The following CNTNAP5 variants were observed in gnomAD, a reference collection of about 807,000 sequenced individuals.
CNTNAP5 encodes the protein contactin-associated protein-like 5.
CNTNAP5 carries 72 observed loss-of-function variants against 150.2 expected under a neutral mutation model. The ratio of observed to expected loss-of-function variants is 0.48; its 90% confidence interval spans 0.40 to 0.58. The LOEUF (loss-of-function observed/expected upper bound fraction) is 0.58, where lower values mean the gene tolerates loss of function less well. CNTNAP5 is among the 20% of genes least tolerant of loss of function. The probability of loss-of-function intolerance (pLI) is 0.00; values close to 1 mark genes in which losing one functional copy is unlikely to be tolerated. For synonymous variants in CNTNAP5, 672 were observed against 619.8 expected (o/e 1.08, Z -1.25); for missense variants, 1,636 against 1,626.2 (o/e 1.01, Z -0.10).
intron 23 of CNTNAP5, among the ~76,000 whole-genome samples, chr2:124,913,150 A>G (rs981827208): frequency 5.9e-5 from 9 of 152,072 alleles, no homozygotes; most frequent in African/African-American, 2.2e-4. Context: ...TGAAATAGAC[A>G]CTTTTCCTCA....
At chr2:124,559,458 A>G (rs1695835610) in intron 10 of CNTNAP5, among the ~76,000 whole-genome samples, 1 of 152,224 alleles carries the variant, frequency 6.6e-6, no homozygotes, top group African/African-American at 2.4e-5. Flanking sequence ...GTCCATGCTG[A>G]AAGCTTTCTT....
At chr2:124,735,124 A>G (rs1271610317) in intron 13 of CNTNAP5, among the ~76,000 whole-genome samples, 3 of 152,140 alleles carry the variant, frequency 2.0e-5, no homozygotes. Flanking sequence ...CTCTCTATAT[A>G]TGTACCCCCT....
chr2:124,166,016 G>A (rs1488472322), intron 1 of CNTNAP5, among the ~76,000 whole-genome samples: 1 of 152,140 alleles, frequency 6.6e-6, no homozygotes, highest in Non-Finnish European at 1.5e-5. Context: ...TTGTGAGTGT[G>A]AAATCGTGGC....
intron 12 of CNTNAP5, among the ~76,000 whole-genome samples, chr2:124,623,533 CT>C (rs1677659924): frequency 6.6e-6 from 1 of 152,292 alleles, no homozygotes; most frequent in Middle Eastern, 3.4e-3. Flanking sequence ...CATCTTTATA[CT>C]TTAGTTTCTC....
chr2:124,804,366 G>C (rs1208331293), intron 19 of CNTNAP5, among the ~76,000 whole-genome samples: 1 of 152,190 alleles, frequency 6.6e-6, no homozygotes, highest in Non-Finnish European at 1.5e-5. Context: ...ACTGGATCTG[G>C]TTAATCTTTC....
chr2:124,395,703 A>G (rs1019782027), intron 3 of CNTNAP5, among the ~76,000 whole-genome samples: 2 of 152,148 alleles, frequency 1.3e-5, no homozygotes, highest in Non-Finnish European at 2.9e-5. Context: ...TGTATATGGC[A>G]TGTTACTTAG....
At chr2:124,375,683 A>G (rs757523096) in intron 3 of CNTNAP5, among the ~76,000 whole-genome samples, 2 of 152,104 alleles carry the variant, frequency 1.3e-5, no homozygotes, top group Non-Finnish European at 2.9e-5. Flanking sequence ...GGACTGTGCT[A>G]TGATGATGCA....
chr2:124,419,154 A>AAAAAAAAC (rs1692015578), intron 4 of CNTNAP5, among the ~76,000 whole-genome samples: 2 of 65,386 alleles, frequency 3.1e-5, no homozygotes, highest in Middle Eastern at 8.2e-3. Context: ...AAAAAAAAAA[A>AAAAAAAAC]AAAAAAAAAC....
At chr2:124,896,282 C>A (rs1399110656) in intron 21 of CNTNAP5, among the ~76,000 whole-genome samples, 1 of 151,482 alleles carries the variant, frequency 6.6e-6, no homozygotes, top group African/African-American at 2.4e-5. Context: ...TGCACACACA[C>A]ACACACATAC....
intron 1 of CNTNAP5, among the ~76,000 whole-genome samples, chr2:124,105,135 AT>A (rs1683147487): frequency 6.6e-6 from 1 of 152,186 alleles, no homozygotes; most frequent in African/African-American, 2.4e-5. Flanking sequence ...CCACTTAGCA[AT>A]AAATCTTACT....
chr2:124,195,800 A>G (rs543490239), intron 1 of CNTNAP5, among the ~76,000 whole-genome samples: 1 of 152,254 alleles, frequency 6.6e-6, no homozygotes, highest in East Asian at 1.9e-4. Flanking sequence ...CTAACTCAAG[A>G]TTCTGTACCC....
At chr2:124,678,526 A>G (rs922784712) in intron 13 of CNTNAP5, among the ~76,000 whole-genome samples, 4 of 151,454 alleles carry the variant, frequency 2.6e-5, no homozygotes, top group Admixed American at 6.7e-5. Flanking sequence ...AAATTCCAGA[A>G]TGTGAGGGTT....
intron 19 of CNTNAP5, among the ~76,000 whole-genome samples, chr2:124,850,611 A>T (rs974505156): frequency 6.6e-6 from 1 of 152,214 alleles, no homozygotes; most frequent in African/African-American, 2.4e-5. Flanking sequence ...GACAAAACAG[A>T]TGGTAAATGG....
chr2:124,397,312 T>C (rs1691276024), intron 3 of CNTNAP5, among the ~76,000 whole-genome samples: 1 of 152,130 alleles, frequency 6.6e-6, no homozygotes, highest in African/African-American at 2.4e-5. Flanking sequence ...AAGTCCAAGA[T>C]TAAGGTGCTG....
At chr2:124,051,282 G>C (rs1215642414) in intron 1 of CNTNAP5, among the ~76,000 whole-genome samples, 2 of 152,176 alleles carry the variant, frequency 1.3e-5, no homozygotes, top group East Asian at 1.9e-4. Flanking sequence ...AGGTTTGCTT[G>C]TTTTTAGATA....
chr2:124,857,563 T>C (rs972281549), intron 19 of CNTNAP5, among the ~76,000 whole-genome samples: 4 of 151,904 alleles, frequency 2.6e-5, no homozygotes, highest in East Asian at 1.9e-4. Flanking sequence ...GGGGAGCTCA[T>C]GCCTGTAATC....
intron 3 of CNTNAP5, among the ~76,000 whole-genome samples, chr2:124,244,540 A>G (rs1686971036): frequency 6.6e-6 from 1 of 152,116 alleles, no homozygotes; most frequent in Admixed American, 6.6e-5. Context: ...AATTCCAGCA[A>G]CAGCTCCCCA....
intron 13 of CNTNAP5, among the ~76,000 whole-genome samples, chr2:124,744,099 C>A (rs1020296312): frequency 6.6e-6 from 1 of 152,114 alleles, no homozygotes; most frequent in Non-Finnish European, 1.5e-5. Context: ...TTGGCTGTGT[C>A]CCCACCCAAA....
intron 11 of CNTNAP5, among the ~76,000 whole-genome samples, chr2:124,597,539 A>G (rs1484775131): frequency 6.6e-6 from 1 of 150,854 alleles, no homozygotes; most frequent in Non-Finnish European, 1.5e-5. Context: ...CTTCCCTTTG[A>G]GGGTAACCCG....
Sources: gnomAD v4.1 joint callset for allele counts (sites outside exome capture counted in the v4.1 genomes callset) on GRCh38, gnomAD v4.1.1 for gene constraint, MANE v1.5 for transcripts, NCBI Gene and HGNC (gene_info 2026-07-23, HGNC 2026-07-21) for gene names.